The following KRT1 variants were observed in gnomAD, a reference collection of about 807,000 sequenced individuals.
KRT1 encodes the protein keratin, type II cytoskeletal 1.
KRT1 carries 28 observed loss-of-function variants against 51.6 expected under a neutral mutation model. The observed-to-expected ratio is 0.54, with a 90% CI of 0.40 to 0.74. KRT1 has a LOEUF of 0.74. Among genes scored for constraint, KRT1 ranks in the 30% least tolerant of loss-of-function variants. The pLI is 0.00. For synonymous variants in KRT1, 301 were observed against 307.7 expected, an observed-to-expected ratio of 0.98 and a Z score of 0.23; for missense variants, 783 against 815.5, an observed-to-expected ratio of 0.96 and a Z score of 0.49.
At chr12:52,676,225 A>G (rs767510621) in intron 7 of KRT1, 50 bp downstream of exon 7, 1 of 1,450,882 alleles carries the variant, frequency 6.9e-7, no homozygotes, top group African/African-American at 1.4e-5. Context: ...TCAGCTTGCA[A>G]GGAAGGAAGA....
Position 52,676,389 on chromosome 12 carries a change from G to A in KRT1, c.1361C>T (p.Ala454Val), listed in dbSNP as rs1351671422. Residue 454 changes from alanine (A) to valine (V), a missense_variant, in exon 7 of 9, where the codon GCC becomes GTC. Physicochemically the swap from Ala to Val is moderately conservative, Grantham distance 64 (BLOSUM62 0). Coordinates refer to ENST00000252244, the MANE Select transcript of KRT1 (RefSeq NM_006121.4). ...LNDLEDALQQ[A>V]KEDLARLLRD... ...CAGCAGGCGGGCCAGGTCTTCCTTG[G>A]CCTGCTGCAGGGCATCCTCCAGGTC... 1 of 1,614,094 alleles carries A rather than the reference G, an allele frequency of 6.2e-7. No individual in the cohort carries two copies.
At position 52,674,906 on chromosome 12, in the gene KRT1, C is replaced by G. The variant is rs867717534; in HGVS notation, c.*287G>C. On this transcript the variant is annotated 3_prime_UTR_variant, in exon 9 of 9. Transcript: ENST00000252244. ...GTCTAACTGGTCCTACTCTGGCTGG[C>G]TTAAGGAGGTGCTTTGAAATGTCAT... is the stretch of plus-strand genomic sequence containing the variant. 1.8e-6 allele frequency: 1 copy of G among 564,374 alleles called. No individual in the cohort carries two copies. The highest frequency in any genetic ancestry group is 1.9e-5 in the African/African-American group (1 of 53,272). 35.0% of individuals were successfully genotyped at this position (564,374 alleles called of 1,614,324 possible). A position where few individuals can be genotyped will look rare whatever the true frequency, so the allele number is the denominator to read the frequency against.
chr12:52,677,321 T>G lies in KRT1; in HGVS notation c.1123A>C (p.Ser375Arg). The change falls in exon 5 of 9, where the codon AGC (serine) becomes CGC (arginine). Residue 375 changes from serine (S) to arginine (R), a missense_variant. Physicochemically the swap from Ser to Arg is moderately radical, Grantham distance 110. Coordinates refer to ENST00000252244, the MANE Select transcript of KRT1 (RefSeq NM_006121.4). ...SKAEAESLYQ[S>R]KYEELQITAG... ...TAGGCTTTCAGCCCACTCACCTTGC[T>G]CTGGTACAAGGACTCGGCCTCAGCT... 1.2e-6 allele frequency: 2 copies of G among 1,614,240 alleles called. No homozygotes were observed. Among genetic ancestry groups the G allele is most frequent in the Non-Finnish European group, 1.7e-6 (2 of 1,180,042 alleles).
Position 52,677,202 on chromosome 12 carries a change from CG to C in KRT1, c.1129-19del. On this transcript the variant is annotated intron_variant, in intron 5 of 8. Transcript: ENST00000252244. ...TCTTCATACTAAAGATGGTAGATAG[CG>C]TTTGTTAAATGTAGGCAGAACTCAG... 6.2e-7 allele frequency: 1 copy of C among 1,614,166 alleles called. No homozygotes were observed. Among genetic ancestry groups the C allele is most frequent in the Non-Finnish European group, 8.5e-7 (1 of 1,180,044 alleles).
intron 7 of KRT1, among the ~76,000 whole-genome samples, chr12:52,676,041 T>C (rs1372649439): frequency 6.6e-6 from 1 of 152,110 alleles, no homozygotes; most frequent in Non-Finnish European, 1.5e-5. Context: ...TAAAGAATAA[T>C]TTGCTCCACC....
In KRT1 at chr12:52,680,239, C is replaced by T. The variant is rs780600291; in HGVS notation, c.110G>A (p.Arg37His). Reference protein sequence around the residue: ...YQRRTTSSSTRRSGGGGGRFS... With the variant: ...YQRRTTSSSTHRSGGGGGRFS... Reference sequence around the variant, plus strand: ...TCTCCCACCACCTCCTCCACTGCGGCGTGTGGAGCTGCTGGTGGTCCTGCG... The same window carrying T: ...TCTCCCACCACCTCCTCCACTGCGGTGTGTGGAGCTGCTGGTGGTCCTGCG... Residue 37 changes from arginine (R) to histidine (H), a missense_variant, in exon 1 of 9, where the codon CGC becomes CAC. By Grantham distance (29) the Arg-to-His change is conservative. Transcript: ENST00000252244. 3.1e-5 allele frequency: 50 copies of T among 1,614,078 alleles called. No individual in the cohort carries two copies. In the East Asian group the frequency reaches 4.5e-4, roughly 14 times the overall value.
At position 52,677,452 on chromosome 12, in the gene KRT1, C is replaced by T. The variant is rs1195559538; in HGVS notation, c.992G>A (p.Ser331Asn). The change falls in exon 5 of 9, where the codon AGT (serine) becomes AAT (asparagine). Residue 331 changes from serine (S) to asparagine (N), a missense_variant. By Grantham distance (46) the Ser-to-Asn change is conservative. Transcript: ENST00000252244. ...AELSQMQTQI[S>N]ETNVILSMDN... ...CATAGAGAGGATGACATTAGTTTCA[C>T]TGATTTGAGTCTGCATCTGAGACAA... The T allele has an allele frequency of 9.3e-6, 15 of 1,614,186 alleles. No homozygotes were observed. The highest frequency in any genetic ancestry group is 1.3e-5 in the Non-Finnish European group (15 of 1,180,038).
intron 3 of KRT1, 86 bp from the exon 4 acceptor site, chr12:52,677,831 A>C: frequency 8.2e-7 from 1 of 1,221,478 alleles, no homozygotes; most frequent in Non-Finnish European, 1.2e-6. Flanking sequence ...CCAAGCAAAA[A>C]AAGGAGCTTT....
At chr12:52,676,131 A>G (rs1941498906) in intron 7 of KRT1, 144 bp downstream of exon 7, 1 of 769,636 alleles carries the variant, frequency 1.3e-6, no homozygotes, top group Non-Finnish European at 2.2e-6. Flanking sequence ...AAGTAAAACT[A>G]GGTCCTTCCT....
Position 52,675,216 on chromosome 12 carries a change from T to C in KRT1, c.1912A>G (p.Thr638Ala), listed in dbSNP as rs140098565. 1.1e-4 allele frequency: 171 copies of C among 1,613,844 alleles called. 1 individual carries two copies. In the Middle Eastern group the frequency reaches 1.7e-3, roughly 16 times the overall value. The part of the protein sequence containing the change: ...GSSSVKFVST[T>A]YSGVTR ...CTTTATCTGGTTACTCCGGAATAAG[T>C]GGTAGAAACAAACTTCACGCTGGAA... The change falls in exon 9 of 9, where the codon ACT becomes GCT. Residue 638 changes from threonine (T) to alanine (A), a missense_variant. Physicochemically the swap from Thr to Ala is moderately conservative, Grantham distance 58 (BLOSUM62 0). Transcript: ENST00000252244.
In KRT1 at chr12:52,675,557, C is replaced by T; in HGVS notation, c.1571G>A (p.Gly524Asp). The change falls in exon 9 of 9, where the codon GGC becomes GAC. Residue 524 changes from glycine (G) to aspartate (D), a missense_variant. Transcript: ENST00000252244. ...ATAGCTGCTACCTCCAGAGCCGTAG[C>T]CACCGCCGCCACCTCCTCGGCTGCC... The part of the protein sequence containing the change: ...GGGSRGGGGG[G>D]YGSGGSSYGS... The T allele has an allele frequency of 3.1e-6, 5 of 1,613,946 alleles. No homozygotes were observed. The Admixed American group carries it at 5.0e-5, about 16-fold the overall frequency.
rs267607421 is a variant in KRT1 at position 52,677,058 on chromosome 12, C to T, written c.1254+1G>A. Reference sequence around the variant, plus strand: ...GAGTGGTAGAAGGAGAAAGCACATACCTGCTTCTTGACATTGTCGATTTCA... The same window carrying T: ...GAGTGGTAGAAGGAGAAAGCACATATCTGCTTCTTGACATTGTCGATTTCA... On this transcript the variant is annotated splice_donor_variant, in intron 6 of 8. Transcript: ENST00000252244. LOFTEE classifies it high-confidence loss of function. The T allele has an allele frequency of 6.2e-7, 1 of 1,612,982 alleles. No individual in the cohort carries two copies. The highest frequency in any genetic ancestry group is 8.5e-7 in the Non-Finnish European group (1 of 1,180,030).
At position 52,678,209 on chromosome 12, in the gene KRT1, A is replaced by G; in HGVS notation, c.821T>C (p.Ile274Thr). The change falls in exon 3 of 9, where the codon ATC becomes ACC. Residue 274 changes from isoleucine to threonine, a missense_variant. Transcript: ENST00000252244. ...EDYRNKYEDEINKRTNAENEF... is the reference protein window; with the variant it reads ...EDYRNKYEDETNKRTNAENEF... ...ATTCTCTGCATTTGTCCGCTTGTTGATTTCATCCTCATACCTGCAGGAAAG... is the reference window on the plus strand; with the variant it reads ...ATTCTCTGCATTTGTCCGCTTGTTGGTTTCATCCTCATACCTGCAGGAAAG... The G allele has an allele frequency of 1.9e-6, 3 of 1,614,048 alleles. No homozygotes were observed. The South Asian group carries it at 3.3e-5, about 18-fold the overall frequency.
chr12:52,676,353 T>C lies in KRT1; in HGVS notation c.1397A>G (p.Gln466Arg), dbSNP rs753630553. ...EDLARLLRDYQELMNTKLALD... is the reference protein window; with the variant it reads ...EDLARLLRDYRELMNTKLALD... ...GGCCAGCTTTGTGTTCATCAGCTCC[T>C]GGTAGTCGCGCAGCAGGCGGGCCAG... The change falls in exon 7 of 9, where the codon CAG (glutamine) becomes CGG (arginine). Residue 466 changes from glutamine to arginine, a missense_variant. By Grantham distance (43) the Gln-to-Arg change is conservative. Transcript: ENST00000252244. 2.7e-5 allele frequency: 44 copies of C among 1,614,066 alleles called. No homozygotes were observed. Among genetic ancestry groups the C allele is most frequent in the Non-Finnish European group, 3.0e-5 (35 of 1,180,034 alleles).
chr12:52,675,705 C>T lies in KRT1; in HGVS notation c.1510+5G>A. ...CATGCCCCTGAGAAATCGACTTGTA[C>T]TTACACACACTCACGTTCGGGGCAC... On this transcript the variant is annotated splice_donor_5th_base_variant and intron_variant, in intron 8 of 8. Transcript: ENST00000252244. 6.2e-7 allele frequency: 1 copy of T among 1,614,234 alleles called. No homozygotes were observed.
chr12:52,675,686 C>A (rs567003565), intron 8 of KRT1, 24 bp downstream of exon 8: 1 of 1,614,218 alleles, frequency 6.2e-7, no homozygotes, highest in African/African-American at 1.3e-5. Context: ...TGCACATGCC[C>A]CTGAGAAATC....
At chr12:52,679,719 C>G (rs772162914) in intron 1 of KRT1, 39 bp downstream of exon 1, 18 of 1,567,878 alleles carry the variant, frequency 1.1e-5, no homozygotes, top group Non-Finnish European at 1.6e-5. Context: ...CCAAGTGGAC[C>G]AGCGGCAGCC....
Position 52,679,929 on chromosome 12 carries a change from C to T in KRT1, c.420G>A (p.Gly140=), listed in dbSNP as rs1215720068. 1.2e-6 allele frequency: 2 copies of T among 1,613,652 alleles called. No homozygotes were observed. Among genetic ancestry groups the T allele is most frequent in the South Asian group, 2.2e-5 (2 of 91,040 alleles). ...GGGGFGGGGY[G]GGYGPVCPPG... ...GAGGGCAGACAGGACCATAACCACCCCCATATCCACCACCCCCAAAGCCAC... is the reference window on the plus strand; with the variant it reads ...GAGGGCAGACAGGACCATAACCACCTCCATATCCACCACCCCCAAAGCCAC... Residue 140 remains glycine, a synonymous_variant, in exon 1 of 9, where the codon GGG becomes GGA. Transcript: ENST00000252244.
intron 6 of KRT1, among the ~76,000 whole-genome samples, chr12:52,676,720 A>C (rs1941509395): frequency 6.6e-6 from 1 of 152,150 alleles, no homozygotes; most frequent in South Asian, 2.1e-4. Context: ...AGGCTCCTAC[A>C]ACCCTTACAG....
Sources: allele counts gnomAD v4.1 joint callset (sites outside exome capture counted in the v4.1 genomes callset), GRCh38; gene constraint gnomAD v4.1.1; transcripts MANE v1.5; gene names NCBI Gene and HGNC (gene_info 2026-07-23, HGNC 2026-07-21).